LOXHD1: variants seen among roughly 807,000 people sequenced by gnomAD.
The protein encoded by LOXHD1 is lipoxygenase homology domain-containing protein 1.
LOXHD1 carries 205 observed loss-of-function variants against 248.2 expected under a neutral mutation model. That is an observed-to-expected ratio of 0.83 (90% CI 0.74 to 0.93). The LOEUF (loss-of-function observed/expected upper bound fraction) is 0.93, where lower values mean the gene tolerates loss of function less well. Among genes scored for constraint, LOXHD1 ranks in the 40% least tolerant of loss-of-function variants. The probability of loss-of-function intolerance (pLI) is 0.00; values close to 1 mark genes in which losing one functional copy is unlikely to be tolerated. For synonymous variants in LOXHD1, 1,113 were observed against 1,162.8 expected (o/e 0.96, Z 0.87); for missense variants, 2,930 against 2,971.6 (o/e 0.99, Z 0.33).
At position 46,499,118 on chromosome 18, in the gene LOXHD1, A is replaced by C. The variant is rs147590722; in HGVS notation, c.5878+6720T>G. Among the ~76,000 whole-genome samples, 308 of 152,380 alleles carry C rather than the reference A, an allele frequency of 2.0e-3. 1 individual carries two copies. Among genetic ancestry groups the C allele is most frequent in the Non-Finnish European group, 3.6e-3 (248 of 68,044 alleles). On this transcript the variant is annotated intron_variant, in intron 37 of 40. Transcript: ENST00000642948. ...CATATAAATGTGAATCAAAATTTCC[A>C]GTCTTGAGAGACTCAAAAGTCTGCC...
intron 18 of LOXHD1, among the ~76,000 whole-genome samples, 160 bp downstream of exon 18, chr18:46,562,905 C>G (rs116446310): frequency 6.6e-6 from 1 of 152,032 alleles, no homozygotes; most frequent in Non-Finnish European, 1.5e-5. Flanking sequence ...CATTTTAGGC[C>G]GAAAGCTCAG....
At chr18:46,494,847 C>CTTTTTTTTTTTTTTTT (rs1256277774) in intron 37 of LOXHD1, among the ~76,000 whole-genome samples, 28 of 113,420 alleles carry the variant, frequency 2.5e-4, no homozygotes, top group Non-Finnish European at 3.3e-4. Flanking sequence ...TTTTCTCTCT[C>CTTTTTTTTTTTTTTTT]TCTTTTTTTT....
intron 4 of LOXHD1, among the ~76,000 whole-genome samples, chr18:46,627,553 A>AT (rs1168546044): frequency 6.6e-6 from 1 of 152,258 alleles, no homozygotes; most frequent in Non-Finnish European, 1.5e-5. Flanking sequence ...CTATTTAAAG[A>AT]TAAAAATAAC....
intron 35 of LOXHD1, among the ~76,000 whole-genome samples, chr18:46,507,978 C>T (rs574766008): frequency 2.0e-5 from 3 of 152,290 alleles, no homozygotes; most frequent in African/African-American, 7.2e-5. Flanking sequence ...AAGCTGTGTC[C>T]TCAGAGGTGC....
intron 37 of LOXHD1, among the ~76,000 whole-genome samples, chr18:46,499,469 A>T (rs2034088242): frequency 6.6e-6 from 1 of 152,214 alleles, no homozygotes; most frequent in Non-Finnish European, 1.5e-5. Context: ...AAGAAGAGAG[A>T]GAATAACAAA....
chr18:46,572,050 G>A (rs1238796719), intron 15 of LOXHD1, 36 bp downstream of exon 15: 1 of 1,537,886 alleles, frequency 6.5e-7, no homozygotes, highest in Non-Finnish European at 8.8e-7. Context: ...GTCTCACCAA[G>A]GGCACACCCA....
At chr18:46,611,051 A>C in intron 5 of LOXHD1, 127 bp from the exon 6 acceptor site, 1 of 1,105,104 alleles carries the variant, frequency 9.0e-7, no homozygotes, top group Non-Finnish European at 1.3e-6. Flanking sequence ...CCTGAGATCT[A>C]AGGGCTCCTT....
chr18:46,589,820 G>T (rs1057324277), intron 12 of LOXHD1, among the ~76,000 whole-genome samples: 4 of 152,120 alleles, frequency 2.6e-5, no homozygotes, highest in Admixed American at 2.6e-4. Flanking sequence ...GAGGTCATAT[G>T]GTTGGGGCCT....
intron 4 of LOXHD1, among the ~76,000 whole-genome samples, chr18:46,633,510 A>G (rs2038853754): frequency 6.6e-6 from 1 of 152,218 alleles, no homozygotes; most frequent in South Asian, 2.1e-4. Context: ...AACAAAAACT[A>G]TAACATTCTT....
chr18:46,610,274 G>A (rs942800300), intron 6 of LOXHD1, among the ~76,000 whole-genome samples: 4 of 151,906 alleles, frequency 2.6e-5, no homozygotes, highest in Admixed American at 1.3e-4. Flanking sequence ...GCCAGAAACC[G>A]TCATTCTTAG....
intron 25 of LOXHD1, among the ~76,000 whole-genome samples, chr18:46,538,793 T>C (rs1343562444): frequency 6.6e-6 from 1 of 152,180 alleles, no homozygotes; most frequent in Non-Finnish European, 1.5e-5. Flanking sequence ...AGGGGGCAAC[T>C]TGCTGACTGG....
intron 21 of LOXHD1, chr18:46,555,442 CTG>C: frequency 4.9e-6 from 1 of 204,930 alleles, no homozygotes; most frequent in Non-Finnish European, 9.6e-6. Context: ...TGACAATGGG[CTG>C]TCTGTGAGCT....
intron 23 of LOXHD1, among the ~76,000 whole-genome samples, chr18:46,543,570 C>A (rs996730568): frequency 6.6e-6 from 1 of 152,036 alleles, no homozygotes; most frequent in Non-Finnish European, 1.5e-5. Flanking sequence ...CTACCCTAAC[C>A]CCCCACCCCC....
At position 46,637,491 on chromosome 18, in the gene LOXHD1, T is replaced by C. The variant is rs141227436; in HGVS notation, c.511+2125A>G. ...GGCAAGTTTGACAGTGTGCTAACGA[T>C]TGATCATAGTAGAGGTTGGATAAAG... On this transcript the variant is annotated intron_variant, in intron 4 of 40. Coordinates refer to ENST00000642948, the MANE Select transcript of LOXHD1 (RefSeq NM_001384474.1). 4.8e-4 allele frequency among the ~76,000 whole-genome samples: 73 copies of C among 152,304 alleles called. 1 individual carries two copies. The highest frequency in any genetic ancestry group is 1.6e-3 in the African/African-American group (66 of 41,566).
At chr18:46,643,401 C>T (rs1035892442) in intron 2 of LOXHD1, among the ~76,000 whole-genome samples, 4 of 152,164 alleles carry the variant, frequency 2.6e-5, no homozygotes, top group Admixed American at 2.0e-4. Flanking sequence ...CAGAGAATGT[C>T]GACTGTTAGC....
chr18:46,494,540 T>C (rs1324331063), intron 37 of LOXHD1, among the ~76,000 whole-genome samples: 1 of 152,218 alleles, frequency 6.6e-6, no homozygotes, highest in African/African-American at 2.4e-5. Flanking sequence ...TGGATGAATA[T>C]GAGAATCTAG....
At chr18:46,594,580 A>C (rs1222053459) in intron 8 of LOXHD1, 114 bp from the exon 9 acceptor site, 2 of 1,259,320 alleles carry the variant, frequency 1.6e-6, no homozygotes, top group Non-Finnish European at 2.2e-6. Context: ...AGGACTCTCA[A>C]GGAATGGCAC....
At chr18:46,625,335 C>T (rs1330267559) in intron 4 of LOXHD1, among the ~76,000 whole-genome samples, 2 of 152,242 alleles carry the variant, frequency 1.3e-5, no homozygotes. Flanking sequence ...AACATGAAAA[C>T]ATCACTTGGT....
chr18:46,634,554 C>T (rs747281994), intron 4 of LOXHD1, among the ~76,000 whole-genome samples: 17 of 152,180 alleles, frequency 1.1e-4, no homozygotes, highest in Admixed American at 2.6e-4. Context: ...CTTTGGGCTA[C>T]ATGTATAAGG....
Sources: allele counts gnomAD v4.1 joint callset (sites outside exome capture counted in the v4.1 genomes callset), GRCh38; gene constraint gnomAD v4.1.1; transcripts MANE v1.5; gene names NCBI Gene and HGNC (gene_info 2026-07-23, HGNC 2026-07-21).